Variants in U2AF2 observed in about 807,000 individuals in gnomAD.
The protein encoded by U2AF2 is splicing factor U2AF 65 kDa subunit.
Under a neutral mutation model 52.6 loss-of-function variants are expected in U2AF2, and 6 were observed. The ratio of observed to expected loss-of-function variants is 0.11; its 90% CI spans 0.06 to 0.23. The LOEUF (loss-of-function observed/expected upper bound fraction) is 0.23. Among genes scored for constraint, U2AF2 ranks in the 10% least tolerant of loss-of-function variants. U2AF2 has a pLI of 1.00. For synonymous variants in U2AF2, 284 were observed against 258.2 expected (o/e 1.10, Z -0.96); for missense variants, 222 against 677.1 (o/e 0.33, Z 7.46).
chr19:55,669,244 A>G (rs992323373), intron 10 of U2AF2, 63 bp downstream of exon 10: 2 of 1,589,036 alleles, frequency 1.3e-6, no homozygotes, highest in African/African-American at 1.3e-5. Context: ...AGTAGGGGAC[A>G]AGTGTTCCTG....
At chr19:55,673,816 C>T in intron 11 of U2AF2, 118 bp from the exon 12 acceptor site, 2 of 1,417,196 alleles carry the variant, frequency 1.4e-6, no homozygotes, top group Admixed American at 2.5e-5. Context: ...TTTCTGACAC[C>T]TGTGGCGAAG....
In U2AF2 at chr19:55,660,172, C is replaced by A; in HGVS notation, c.186-5C>A. ...CTCCCCATACCTTTCCCTCCCACCC[C>A]CCAGCAAACCTTTGACCAGAGGCGC... On this transcript the variant is annotated splice_region_variant and splice_polypyrimidine_tract_variant and intron_variant, in intron 2 of 11. Transcript: ENST00000308924. The A allele has an allele frequency of 6.2e-7, 1 of 1,608,928 alleles. No homozygotes were observed. The highest frequency in any genetic ancestry group is 1.1e-5 in the South Asian group (1 of 90,640).
chr19:55,664,070 G>T, intron 7 of U2AF2: 1 of 288,766 alleles, frequency 3.5e-6, no homozygotes, highest in Admixed American at 5.0e-5. Flanking sequence ...GGACCTTGGA[G>T]GGCTCAGTCT....
In U2AF2 at chr19:55,674,095, G is replaced by A. The variant is rs1985120747; in HGVS notation, c.*27G>A. 2 of 1,565,430 alleles carry A rather than the reference G, an allele frequency of 1.3e-6. No individual in the cohort carries two copies. The highest frequency in any genetic ancestry group is 1.7e-6 in the Non-Finnish European group (2 of 1,151,886). The stretch of plus-strand genomic sequence containing the variant: ...GGCGGCTGGGGGAGGGTGGGGGCAG[G>A]GCTGGCTGGGGGCTTCTCCCCACTC... On this transcript the variant is annotated 3_prime_UTR_variant, in exon 12 of 12. Coordinates refer to ENST00000308924, the MANE Select transcript of U2AF2 (RefSeq NM_007279.3).
intron 7 of U2AF2, among the ~76,000 whole-genome samples, chr19:55,666,927 T>C (rs1332534500): frequency 1.3e-5 from 2 of 152,198 alleles, no homozygotes; most frequent in Non-Finnish European, 2.9e-5. Flanking sequence ...TGTGTGTCTT[T>C]GCTCTGTGCC....
At position 55,655,087 on chromosome 19, in the gene U2AF2, C is replaced by T; in HGVS notation, c.-18C>T. The T allele has an allele frequency of 1.9e-6, 3 of 1,606,016 alleles. No homozygotes were observed. Among genetic ancestry groups the T allele is most frequent in the Non-Finnish European group, 1.7e-6 (2 of 1,177,374 alleles). On this transcript the variant is annotated 5_prime_UTR_variant, in exon 1 of 12. Coordinates refer to ENST00000308924, the MANE Select transcript of U2AF2 (RefSeq NM_007279.3). ...GGCGAGGCGAAAGCTGCACAGGGCC[C>T]TACGCGGCCGCCTCAGCATGTCGGA...
intron 7 of U2AF2, among the ~76,000 whole-genome samples, chr19:55,667,513 A>C (rs1209849234): frequency 1.3e-5 from 2 of 152,164 alleles, no homozygotes; most frequent in African/African-American, 4.8e-5. Flanking sequence ...CTGTGAGTCC[A>C]GAGTTCAGTG....
chr19:55,660,646 G>C (rs199913376), intron 4 of U2AF2, 27 bp downstream of exon 4: 2 of 1,601,504 alleles, frequency 1.2e-6, no homozygotes, highest in East Asian at 2.2e-5. Context: ...GCTGCTCCCA[G>C]AGCGGGAGGG....
chr19:55,655,578 C>G (rs1230972587), intron 1 of U2AF2, among the ~76,000 whole-genome samples: 2 of 152,286 alleles, frequency 1.3e-5, no homozygotes, highest in Non-Finnish European at 2.9e-5. Context: ...ACGGCAGCGT[C>G]TCCACGCCCC....
chr19:55,670,625 G>T (rs1984856248), intron 11 of U2AF2: 1 of 260,556 alleles, frequency 3.8e-6, no homozygotes, highest in Non-Finnish European at 7.6e-6. Context: ...TGTTCGTTCA[G>T]GGTGGTCAAG....
chr19:55,667,897 T>TGCCTCA (rs1984647200), intron 7 of U2AF2, among the ~76,000 whole-genome samples: 1 of 152,042 alleles, frequency 6.6e-6, no homozygotes, highest in African/African-American at 2.4e-5. Context: ...GCCATTCTTC[T>TGCCTCA]GCCTCAGCCT....
chr19:55,656,648 A>G (rs1445500798), intron 1 of U2AF2, among the ~76,000 whole-genome samples: 1 of 152,222 alleles, frequency 6.6e-6, no homozygotes, highest in Non-Finnish European at 1.5e-5. Flanking sequence ...TACTAAGTGG[A>G]TCCTTTTAAC....
At chr19:55,655,449 G>A (rs748542039) in intron 1 of U2AF2, among the ~76,000 whole-genome samples, 13 of 152,256 alleles carry the variant, frequency 8.5e-5, no homozygotes, top group Non-Finnish European at 1.5e-5. Context: ...CGCGCCAGAT[G>A]CCTCGACGTG....
At chr19:55,655,490 C>T (rs1022963674) in intron 1 of U2AF2, among the ~76,000 whole-genome samples, 9 of 152,270 alleles carry the variant, frequency 5.9e-5, no homozygotes, top group Admixed American at 2.0e-4. Flanking sequence ...TTTTTGGTTT[C>T]TCTGAAAAGG....
chr19:55,663,473 G>A (rs1370579900), intron 6 of U2AF2, 133 bp from the exon 7 acceptor site: 4 of 1,385,784 alleles, frequency 2.9e-6, no homozygotes, highest in African/African-American at 1.4e-5. Flanking sequence ...TACTCCCAGT[G>A]CCCAGCCTGG....
At chr19:55,664,899 G>A (rs944329488) in intron 7 of U2AF2, among the ~76,000 whole-genome samples, 1 of 152,068 alleles carries the variant, frequency 6.6e-6, no homozygotes, top group African/African-American at 2.4e-5. Context: ...TGTATTTTTA[G>A]TAGAGGGTGG....
intron 7 of U2AF2, among the ~76,000 whole-genome samples, chr19:55,665,965 G>C (rs1302886291): frequency 1.3e-5 from 2 of 152,254 alleles, no homozygotes; most frequent in East Asian, 1.9e-4. Context: ...TGTAAGTAAA[G>C]ATGGATGGCG....
chr19:55,672,175 A>T (rs566739956), intron 11 of U2AF2: 5 of 151,980 alleles, frequency 3.3e-5, no homozygotes, highest in Non-Finnish European at 5.9e-5. Context: ...TTATTCTTAA[A>T]TTTTTTGTTA....
chr19:55,656,055 G>A (rs1474225763), intron 1 of U2AF2, among the ~76,000 whole-genome samples: 1 of 152,218 alleles, frequency 6.6e-6, no homozygotes, highest in Non-Finnish European at 1.5e-5. Context: ...GGGGAAGGTG[G>A]GAGGCAGGTT....
Sources: allele counts gnomAD v4.1 joint callset (sites outside exome capture counted in the v4.1 genomes callset), GRCh38; gene constraint gnomAD v4.1.1; transcripts MANE v1.5; gene names NCBI Gene and HGNC (gene_info 2026-07-23, HGNC 2026-07-21).